The following CORO6 variants were observed in gnomAD, a reference collection of about 807,000 sequenced individuals.
CORO6 encodes the protein coronin 6, also known as coronin-6.
CORO6 carries 43 observed loss-of-function variants against 49.0 expected under a neutral mutation model. The ratio of observed to expected loss-of-function variants is 0.88; its 90% CI spans 0.69 to 1.13. The LOEUF is 1.13. Ranked by LOEUF, CORO6 falls within the 50% of genes most tolerant of loss-of-function variation. The pLI, the probability that CORO6 is intolerant of heterozygous loss-of-function variation, is 0.00. For missense variants in CORO6, 650 were observed against 647.0 expected (o/e 1.00, Z -0.05); for synonymous variants, 233 against 256.5 (o/e 0.91, Z 0.88).
rs1476582057 is a variant in CORO6 at position 29,616,636 on chromosome 17, G to A, written c.1004+66C>T. 1.9e-6 allele frequency: 3 copies of A among 1,583,584 alleles called. No individual in the cohort carries two copies. Among genetic ancestry groups the A allele is most frequent in the Non-Finnish European group, 2.6e-6 (3 of 1,158,328 alleles). ...ACTGCATTACTGGGGAAGCCCCGTGGCTAGGACCCGACATGAGTGGGGGAC... is the reference window on the plus strand; with the variant it reads ...ACTGCATTACTGGGGAAGCCCCGTGACTAGGACCCGACATGAGTGGGGGAC... On this transcript the variant is annotated intron_variant, in intron 8 of 10. Coordinates refer to ENST00000388767, the MANE Select transcript of CORO6 (RefSeq NM_032854.4). This position sits in a 1 kb window ranked among gnomAD's most constrained non-coding sequence, Gnocchi z 5.6.
intron 5 of CORO6, chr17:29,618,047 C>T: frequency 6.7e-7 from 1 of 1,497,726 alleles, no homozygotes; most frequent in Non-Finnish European, 8.8e-7. Flanking sequence ...GCCTGGCCTA[C>T]CGGGTCCCAG....
intron 5 of CORO6, 45 bp from the exon 6 acceptor site, chr17:29,617,664 C>A: frequency 1.3e-6 from 2 of 1,529,608 alleles, no homozygotes; most frequent in Non-Finnish European, 8.8e-7. Flanking sequence ...CAGCTGCCTG[C>A]CCTGAGGAGC....
chr17:29,618,306 C>G, intron 5 of CORO6: 1 of 1,291,648 alleles, frequency 7.7e-7, no homozygotes, highest in Non-Finnish European at 9.8e-7. Context: ...CCAGGGCCGC[C>G]GCCCTCCCAG....
intron 3 of CORO6, 66 bp from the exon 4 acceptor site, chr17:29,619,255 C>T (rs913547670): frequency 6.3e-7 from 1 of 1,579,258 alleles, no homozygotes; most frequent in Non-Finnish European, 8.6e-7. Context: ...CACTCCTTCC[C>T]TACCTTTTTT....
rs770617846 is a variant in CORO6 at position 29,616,317 on chromosome 17, T to C, written c.1024A>G (p.Arg342Gly). 6.2e-6 allele frequency: 10 copies of C among 1,608,830 alleles called. No homozygotes were observed. The Admixed American group carries it at 8.4e-5, about 14-fold the overall frequency. ...EIARFYKLHE[R>G]KCEPIIMTVP... Reference sequence around the variant, plus strand: ...GTCATGATGATAGGTTCACACTTTCTTTCGTGTAGCTTGTAGAACCTATAA... The same window carrying C: ...GTCATGATGATAGGTTCACACTTTCCTTCGTGTAGCTTGTAGAACCTATAA... Residue 342 changes from arginine (R) to glycine (G), a missense_variant, in exon 9 of 11, where the codon AGA becomes GGA. By Grantham distance (125) the Arg-to-Gly change is moderately radical. Transcript: ENST00000388767. This position sits in a 1 kb window ranked among gnomAD's most constrained non-coding sequence, Gnocchi z 5.6.
intron 5 of CORO6, 31 bp from the exon 6 acceptor site, chr17:29,617,650 C>T (rs2035052769): frequency 1.9e-6 from 3 of 1,559,104 alleles, no homozygotes; most frequent in Non-Finnish European, 2.6e-6. Context: ...GGAGGGACAT[C>T]ACCCAGCTGC....
At chr17:29,620,178 C>T (rs2035236684) in intron 2 of CORO6, among the ~76,000 whole-genome samples, 1 of 152,350 alleles carries the variant, frequency 6.6e-6, no homozygotes, top group Admixed American at 6.5e-5. Flanking sequence ...ACAGCCCTTT[C>T]CTGGCCTCCC....
intron 2 of CORO6, among the ~76,000 whole-genome samples, chr17:29,620,581 TG>T (rs2035258534): frequency 1.3e-5 from 2 of 152,026 alleles, no homozygotes; most frequent in African/African-American, 2.4e-5. Context: ...GGTCATACCT[TG>T]GGGGTTGGGG....
In CORO6 at chr17:29,617,820, A is replaced by T. The variant is rs545293072; in HGVS notation, c.634-201T>A. On this transcript the variant is annotated intron_variant, in intron 5 of 10. Transcript: ENST00000388767. ...CTGGAGAGCATCCGGGCCTGGAGAGAGCAGGAGGCACGCGGCTCTCAGCCG... is the reference window on the plus strand; with the variant it reads ...CTGGAGAGCATCCGGGCCTGGAGAGTGCAGGAGGCACGCGGCTCTCAGCCG... The T allele has an allele frequency of 7.0e-4, 490 of 695,574 alleles. 6 individuals are homozygous for T. The South Asian group carries it at 9.4e-3, about 13-fold the overall frequency. The allele number at this position is 695,574 out of a possible 1,614,324, so 43.1% of individuals were successfully genotyped here.
Position 29,616,844 on chromosome 17 carries a change from C to T in CORO6, c.862G>A (p.Asp288Asn), listed in dbSNP as rs1229050440. ...SSIVYLCGKG[D>N]SSIRYFEITD... The stretch of plus-strand genomic sequence containing the variant: ...ATCTCAAAGTACCGAATGCTGCTGT[C>T]GCCCTGCAAAATCAGTCGGTTCAGG... The change falls in exon 8 of 11, where the codon GAC becomes AAC. Residue 288 changes from aspartate to asparagine, a missense_variant. Asp to Asn is a conservative substitution (Grantham distance 23). Transcript: ENST00000388767. The surrounding 1 kb of genome is among the most constrained non-coding windows in gnomAD (Gnocchi z 5.6). 1 of 1,613,074 alleles carries T rather than the reference C, an allele frequency of 6.2e-7. No individual in the cohort carries two copies. The highest frequency in any genetic ancestry group is 1.3e-5 in the African/African-American group (1 of 75,012).
chr17:29,618,948 AGAT>A lies in CORO6; in HGVS notation c.472_474del (p.Ile158del), dbSNP rs754150094. 2.8e-5 allele frequency: 45 copies of A among 1,613,642 alleles called. 2 individuals carry two copies. The Middle Eastern group carries it at 3.1e-3, about 112-fold the overall frequency. On this transcript the variant is annotated inframe_deletion, in exon 5 of 11. Transcript: ENST00000388767. Reference sequence around the variant, plus strand: ...AGCACCTCCCCGGTGCCCACATTCCAGATGATGATCACATTGTCACCACCTGCC... The same window carrying A: ...AGCACCTCCCCGGTGCCCACATTCCAGATGATCACATTGTCACCACCTGCC...
chr17:29,620,005 CACA>C (rs1222708946), intron 2 of CORO6, among the ~76,000 whole-genome samples: 2 of 152,184 alleles, frequency 1.3e-5, no homozygotes, highest in Non-Finnish European at 2.9e-5. Flanking sequence ...ATCAAGGACA[CACA>C]ACAAGATACT....
Position 29,619,114 on chromosome 17 carries a change from G to T in CORO6, c.397C>A (p.Arg133Ser). The change falls in exon 4 of 11, where the codon CGT (arginine) becomes AGT (serine). Residue 133 changes from arginine to serine, a missense_variant. Physicochemically the swap from Arg to Ser is moderately radical, Grantham distance 110. Transcript: ENST00000388767. ...PIITLEGHSKRVGILSWHPTA... is the reference protein window; with the variant it reads ...PIITLEGHSKSVGILSWHPTA... ...GGGTGCCAGGAGAGGATGCCCACAC[G>T]CTTGGAGTGGCCCTCAAGTGTGATG... 1.2e-6 allele frequency: 2 copies of T among 1,613,708 alleles called. No individual in the cohort carries two copies. Among genetic ancestry groups the T allele is most frequent in the Non-Finnish European group, 1.7e-6 (2 of 1,179,912 alleles).
rs768393522 is a variant in CORO6 at position 29,619,710 on chromosome 17, C to A, written c.262G>T (p.Asp88Tyr). ...TGHTAPVLDI[D>Y]WCPHNDNVIA... ...ACGTTGTCATTGTGTGGACACCAGT[C>A]AATATCCAGCACAGGGGCAGTGTGC... The change falls in exon 3 of 11, where the codon GAC (aspartate) becomes TAC (tyrosine). Residue 88 changes from aspartate to tyrosine, a missense_variant. Coordinates refer to ENST00000388767, the MANE Select transcript of CORO6 (RefSeq NM_032854.4). 4 of 1,613,434 alleles carry A rather than the reference C, an allele frequency of 2.5e-6. No individual in the cohort carries two copies. The South Asian group carries it at 4.4e-5, about 18-fold the overall frequency.
chr17:29,617,975 C>T lies in CORO6; in HGVS notation c.634-356G>A, dbSNP rs2035080231. The T allele has an allele frequency of 1.9e-5, 25 of 1,293,932 alleles. No homozygotes were observed. In the South Asian group the frequency reaches 3.7e-4, roughly 19 times the overall value. The allele number at this position is 1,293,932 out of a possible 1,614,324, so 80.2% of individuals were successfully genotyped here. A position where few individuals can be genotyped will look rare whatever the true frequency, so the allele number is the denominator to read the frequency against. ...CCGCTCTGGCCTCTTGGGCGCCAGC[C>T]ACAGCCCGGGAAGGCGCTCCCGGCA... On this transcript the variant is annotated intron_variant, in intron 5 of 10. Coordinates refer to ENST00000388767, the MANE Select transcript of CORO6 (RefSeq NM_032854.4).
In CORO6 at chr17:29,622,892, C is replaced by CT; in HGVS notation, c.-269dup. The CT allele has an allele frequency of 7.9e-7, 1 of 1,263,132 alleles. No individual in the cohort carries two copies. The highest frequency in any genetic ancestry group is 1.0e-6 in the Non-Finnish European group (1 of 975,546). The allele number at this position is 1,263,132 out of a possible 1,614,324, so 78.2% of individuals were successfully genotyped here. ...GGCGCCGCTGCAGCCCCAGCTGCCG[C>CT]TGCCATCAACCTAAGAGGGCGGGGC... On this transcript the variant is annotated 5_prime_UTR_variant, in exon 1 of 11. The change creates a premature stop within an existing upstream ORF in the 5' untranslated region. Transcript: ENST00000388767.
Position 29,617,561 on chromosome 17 carries a change from C to T in CORO6, c.692G>A (p.Gly231Asp). The change falls in exon 6 of 11, where the codon GGC becomes GAC. Residue 231 changes from glycine to aspartate, a missense_variant. Transcript: ENST00000388767. ...GGTGAAGCCCGTGGTGAAGATATGG[C>T]CCTGGCGCGTGAAGACGGCCCGCAT... is the stretch of plus-strand genomic sequence containing the variant. ...RPMRAVFTRQ[G>D]HIFTTGFTRM... The T allele has an allele frequency of 6.2e-7, 1 of 1,610,118 alleles. No individual in the cohort carries two copies. The highest frequency in any genetic ancestry group is 8.5e-7 in the Non-Finnish European group (1 of 1,179,180).
At chr17:29,618,090 G>A (rs2035095286) in intron 5 of CORO6, 1 of 1,496,650 alleles carries the variant, frequency 6.7e-7, no homozygotes, top group Non-Finnish European at 8.8e-7. Flanking sequence ...TCCTGCTGAA[G>A]CCGGTGCTGA....
intron 5 of CORO6, chr17:29,618,330 G>A (rs1481998774): frequency 6.9e-6 from 9 of 1,296,650 alleles, no homozygotes; most frequent in Non-Finnish European, 6.8e-6. Flanking sequence ...ATCCGGCTGG[G>A]ATAAGCAACG....
Sources: allele counts gnomAD v4.1 joint callset (sites outside exome capture counted in the v4.1 genomes callset), GRCh38; gene constraint gnomAD v4.1.1; non-coding constraint Gnocchi (gnomAD v3.1); transcripts MANE v1.5; gene names NCBI Gene and HGNC (gene_info 2026-07-23, HGNC 2026-07-21).